GFRA1: variants seen among roughly 807,000 people sequenced by gnomAD.
The protein encoded by GFRA1 is GDNF family receptor alpha-1.
Under a neutral mutation model 51.6 loss-of-function variants are expected in GFRA1, and 16 were observed. The ratio of observed to expected loss-of-function variants is 0.31; its 90% CI spans 0.21 to 0.47. The LOEUF (loss-of-function observed/expected upper bound fraction) is 0.47, where lower values mean the gene tolerates loss of function less well. GFRA1 is among the 20% of genes least tolerant of loss of function. The pLI is 1.00. For synonymous variants in GFRA1, 270 were observed against 241.3 expected (o/e 1.12, Z -1.10); for missense variants, 530 against 594.3 (o/e 0.89, Z 1.13).
chr10:116,136,579 G>T (rs982255359), intron 5 of GFRA1, among the ~76,000 whole-genome samples: 1 of 152,114 alleles, frequency 6.6e-6, no homozygotes, highest in African/African-American at 2.4e-5. Context: ...TTTCTAAGTT[G>T]CTATTAAATA....
chr10:116,258,415 A>AT (rs977859920), intron 4 of GFRA1, among the ~76,000 whole-genome samples: 46 of 147,368 alleles, frequency 3.1e-4, no homozygotes, highest in Middle Eastern at 3.6e-3. Context: ...TATTATATTA[A>AT]TAAAATAAAT....
chr10:116,170,135 A>G (rs943860539), intron 5 of GFRA1, among the ~76,000 whole-genome samples: 13 of 152,196 alleles, frequency 8.5e-5, no homozygotes, highest in Non-Finnish European at 1.6e-4. Context: ...CTCAATTGCT[A>G]ATCAAAGGCC....
At chr10:116,175,283 T>A (rs1371062390) in intron 5 of GFRA1, among the ~76,000 whole-genome samples, 1 of 152,126 alleles carries the variant, frequency 6.6e-6, no homozygotes, top group Non-Finnish European at 1.5e-5. Context: ...ACCCTCAACA[T>A]GGTGCCATAT....
chr10:116,210,781 T>G (rs1031522857), intron 5 of GFRA1, among the ~76,000 whole-genome samples: 1 of 152,196 alleles, frequency 6.6e-6, no homozygotes, highest in African/African-American at 2.4e-5. Flanking sequence ...CAGTCTCTTT[T>G]ATTGTAAAGC....
intron 9 of GFRA1, among the ~76,000 whole-genome samples, chr10:116,085,782 A>G (rs1355275622): frequency 6.6e-6 from 1 of 152,206 alleles, no homozygotes; most frequent in African/African-American, 2.4e-5. Context: ...ATTACTGGCA[A>G]ACTGTCAGTC....
At chr10:116,093,907 T>C in intron 7 of GFRA1, 71 bp from the exon 8 acceptor site, 1 of 1,459,738 alleles carries the variant, frequency 6.9e-7, no homozygotes, top group Non-Finnish European at 9.6e-7. Flanking sequence ...AAGAAACCAA[T>C]ATTCCTCTGA....
At chr10:116,078,914 G>T (rs2133825496) in intron 9 of GFRA1, among the ~76,000 whole-genome samples, 1 of 152,206 alleles carries the variant, frequency 6.6e-6, no homozygotes, top group South Asian at 2.1e-4. Context: ...CATGTCTGGT[G>T]CTAGTTTTCT....
chr10:116,102,688 T>G (rs1956863924), intron 6 of GFRA1, among the ~76,000 whole-genome samples: 1 of 152,164 alleles, frequency 6.6e-6, no homozygotes, highest in Non-Finnish European at 1.5e-5. Context: ...TCAGATCTCA[T>G]GAGACTTATT....
chr10:116,122,096 C>T (rs192317275), intron 6 of GFRA1, among the ~76,000 whole-genome samples: 7 of 152,228 alleles, frequency 4.6e-5, no homozygotes, highest in African/African-American at 1.2e-4. Flanking sequence ...AGGGAAGTCA[C>T]GGATTCACCT....
At chr10:116,122,725 T>C (rs1012540965) in intron 6 of GFRA1, among the ~76,000 whole-genome samples, 13 of 152,132 alleles carry the variant, frequency 8.5e-5, no homozygotes, top group African/African-American at 3.1e-4. Flanking sequence ...TTGTGTAAGA[T>C]AAACCTGGGA....
chr10:116,165,661 ACT>A (rs1555161592), intron 5 of GFRA1, among the ~76,000 whole-genome samples: 2,265 of 133,454 alleles, frequency 0.017, 20 homozygotes, highest in Middle Eastern at 0.063. Flanking sequence ...TCTTTCTCTC[ACT>A]CTCACACACA....
chr10:116,121,508 G>A (rs1057429570), intron 6 of GFRA1, among the ~76,000 whole-genome samples: 2 of 152,228 alleles, frequency 1.3e-5, no homozygotes. Context: ...CTTCCCATCT[G>A]TTTGAAGGCA....
chr10:116,217,171 G>A (rs138044868), intron 4 of GFRA1, among the ~76,000 whole-genome samples: 1 of 152,314 alleles, frequency 6.6e-6, no homozygotes, highest in East Asian at 1.9e-4. Flanking sequence ...GTGACAGGAT[G>A]CGTCCTTATA....
At chr10:116,144,758 T>C (rs760017843) in intron 5 of GFRA1, among the ~76,000 whole-genome samples, 3 of 152,084 alleles carry the variant, frequency 2.0e-5, no homozygotes, top group African/African-American at 4.8e-5. Context: ...GAAGAAAACA[T>C]AGGAGATTAT....
At chr10:116,198,427 G>A (rs766023137) in intron 5 of GFRA1, among the ~76,000 whole-genome samples, 5 of 152,120 alleles carry the variant, frequency 3.3e-5, no homozygotes, top group Admixed American at 6.5e-5. Flanking sequence ...TCCCACCCAC[G>A]GCTGTTTAAT....
In GFRA1 at chr10:116,089,838, G is replaced by A. The variant is rs1956257571; in HGVS notation, c.1100C>T (p.Thr367Ile). 6.2e-7 allele frequency: 1 copy of A among 1,613,870 alleles called. No homozygotes were observed. The highest frequency in any genetic ancestry group is 1.7e-5 in the Admixed American group (1 of 60,002). ...AFPVQTTTAT[T>I]TTALRVKNKP... ...GTTCTTAACCCGGAGGGCAGTGGTGGTAGTGGCAGTGGTGGTCTGTACTGG... is the reference window on the plus strand; with the variant it reads ...GTTCTTAACCCGGAGGGCAGTGGTGATAGTGGCAGTGGTGGTCTGTACTGG... The change falls in exon 9 of 11, where the codon ACC becomes ATC. Residue 367 changes from threonine to isoleucine, a missense_variant. Thr to Ile is a moderately conservative substitution (Grantham distance 89). Transcript: ENST00000355422.
At chr10:116,066,823 C>G (rs939849259) in intron 9 of GFRA1, among the ~76,000 whole-genome samples, 1 of 152,180 alleles carries the variant, frequency 6.6e-6, no homozygotes, top group Non-Finnish European at 1.5e-5. Context: ...CGGGCTGAGC[C>G]CTGGTTAAGC....
intron 4 of GFRA1, among the ~76,000 whole-genome samples, chr10:116,233,860 A>AG (rs1242080972): frequency 2.6e-5 from 4 of 152,230 alleles, no homozygotes; most frequent in Non-Finnish European, 4.4e-5. Flanking sequence ...AGGGAAAAAA[A>AG]CAAATGATTT....
rs1392703883 is a variant in GFRA1, at chr10:116,271,029, T to C, written c.127A>G (p.Ser43Gly). 5.6e-6 allele frequency: 9 copies of C among 1,614,068 alleles called. No homozygotes were observed. The highest frequency in any genetic ancestry group is 1.3e-5 in the African/African-American group (1 of 74,952). ...TGCCTTAGCGTGCGGTACTTGGTGC[T>C]GCAGCTCTGCTCCTTCAGGCACTGA... is the stretch of plus-strand genomic sequence containing the variant. Reference protein sequence around the residue: ...SDQCLKEQSCSTKYRTLRQCV... With the variant: ...SDQCLKEQSCGTKYRTLRQCV... Residue 43 changes from serine to glycine, a missense_variant, in exon 3 of 11, where the codon AGC (serine) becomes GGC (glycine). Ser to Gly is a moderately conservative substitution (Grantham distance 56). Coordinates refer to ENST00000355422, the MANE Select transcript of GFRA1 (RefSeq NM_005264.8).
Sources: gnomAD v4.1 joint callset for allele counts (sites outside exome capture counted in the v4.1 genomes callset) on GRCh38, gnomAD v4.1.1 for gene constraint, MANE v1.5 for transcripts, NCBI Gene and HGNC (gene_info 2026-07-23, HGNC 2026-07-21) for gene names.